SBNO1: variants seen among roughly 807,000 people sequenced by gnomAD.
The protein encoded by SBNO1 is strawberry notch homolog 1.
In SBNO1, 23 loss-of-function variants were observed where a neutral mutation model predicts 173.6. The ratio of observed to expected loss-of-function variants is 0.13; its 90% CI spans 0.10 to 0.19. SBNO1 has a LOEUF of 0.19. SBNO1 is among the 10% of genes least tolerant of loss of function. SBNO1 has a pLI of 1.00. For missense variants in SBNO1, 1,238 were observed against 1,671.2 expected (o/e 0.74, Z 4.52); for synonymous variants, 632 against 571.5 (o/e 1.11, Z -1.51).
At chr12:123,332,585 C>T (rs1871346099) in intron 7 of SBNO1, among the ~76,000 whole-genome samples, 1 of 151,286 alleles carries the variant, frequency 6.6e-6, no homozygotes, top group African/African-American at 2.4e-5. Context: ...TAGTTTTTTT[C>T]AGACAGAGTC....
intron 3 of SBNO1, among the ~76,000 whole-genome samples, chr12:123,345,812 G>C (rs964254657): frequency 1.3e-5 from 2 of 152,062 alleles, no homozygotes; most frequent in African/African-American, 4.8e-5. Flanking sequence ...TGGGACTACA[G>C]GTGCACACCA....
chr12:123,352,978 AG>A (rs752300086), intron 1 of SBNO1, among the ~76,000 whole-genome samples: 11 of 152,044 alleles, frequency 7.2e-5, no homozygotes, highest in Non-Finnish European at 1.6e-4. Flanking sequence ...TTTGTATTTT[AG>A]TAGAGATGGG....
intron 1 of SBNO1, among the ~76,000 whole-genome samples, chr12:123,361,742 A>AT (rs1875219001): frequency 6.6e-6 from 1 of 151,302 alleles, no homozygotes; most frequent in Non-Finnish European, 1.5e-5. Context: ...AAAAAAAAAA[A>AT]AAATACAAAA....
At chr12:123,341,808 G>A (rs1297693345) in intron 4 of SBNO1, among the ~76,000 whole-genome samples, 1 of 151,950 alleles carries the variant, frequency 6.6e-6, no homozygotes, top group East Asian at 2.0e-4. Context: ...GATTACAGGC[G>A]TGAGCCACCG....
intron 30 of SBNO1, among the ~76,000 whole-genome samples, 184 bp from the exon 31 acceptor site, chr12:123,298,355 C>CT (rs2048673546): frequency 6.6e-6 from 1 of 152,086 alleles, no homozygotes; most frequent in African/African-American, 2.4e-5. Context: ...CAACCTCTGC[C>CT]TCCCAGGGTC....
At chr12:123,362,181 A>C (rs886171082) in intron 1 of SBNO1, among the ~76,000 whole-genome samples, 6 of 151,098 alleles carry the variant, frequency 4.0e-5, no homozygotes, top group African/African-American at 1.5e-4. Flanking sequence ...TCACGCCTGC[A>C]ATCCCAGCAC....
intron 1 of SBNO1, among the ~76,000 whole-genome samples, chr12:123,362,493 C>T (rs919949928): frequency 7.5e-6 from 1 of 133,542 alleles, no homozygotes. Context: ...GGGCCAAGGG[C>T]GGTGGCTCAC....
intron 15 of SBNO1, among the ~76,000 whole-genome samples, chr12:123,324,954 C>T (rs1337212691): frequency 1.3e-5 from 2 of 151,876 alleles, no homozygotes; most frequent in East Asian, 1.9e-4. Context: ...GACTACAGGA[C>T]GTGTGCCACC....
chr12:123,360,602 G>T (rs28718696), intron 1 of SBNO1, among the ~76,000 whole-genome samples: 2 of 151,602 alleles, frequency 1.3e-5, no homozygotes, highest in African/African-American at 2.4e-5. Context: ...GGATCACCAC[G>T]CCCAGCTAAT....
chr12:123,335,052 C>T (rs1042170789), intron 6 of SBNO1, among the ~76,000 whole-genome samples: 1 of 152,204 alleles, frequency 6.6e-6, no homozygotes, highest in Non-Finnish European at 1.5e-5. Flanking sequence ...ATTAGCTGGG[C>T]ATGGTGGTGG....
At chr12:123,361,653 G>A (rs1875190468) in intron 1 of SBNO1, among the ~76,000 whole-genome samples, 1 of 148,482 alleles carries the variant, frequency 6.7e-6, no homozygotes. Context: ...AGAATCACTT[G>A]AACCAAGGAG....
rs188358606 is a variant in SBNO1 at position 123,307,150 on chromosome 12, G to A, written c.3630+2160C>T. ...GCTGCAGTGAGCCATGATCACGCACGCCACTGCTTATCAGCCTGGGTGACA... is the reference window on the plus strand; with the variant it reads ...GCTGCAGTGAGCCATGATCACGCACACCACTGCTTATCAGCCTGGGTGACA... On this transcript the variant is annotated intron_variant, in intron 28 of 31. Transcript: ENST00000602398. 2.2e-3 allele frequency among the ~76,000 whole-genome samples: 334 copies of A among 150,464 alleles called. 4 individuals carry two copies. Among genetic ancestry groups the A allele is most frequent in the South Asian group, 2.6e-3 (12 of 4,610 alleles).
chr12:123,355,897 AAG>A lies in SBNO1; in HGVS notation c.1-5458_1-5457del, dbSNP rs1874410262. 3.3e-5 allele frequency among the ~76,000 whole-genome samples: 5 copies of A among 152,322 alleles called. No individual in the cohort carries two copies. The South Asian group carries it at 1.0e-3, about 32-fold the overall frequency. ...AAAGACACAGCAGTAGAGAAAAACT[AAG>A]AGCTAGTTTTGGCAGGAAGAGAATA... On this transcript the variant is annotated intron_variant, in intron 1 of 31. Coordinates refer to ENST00000602398, the MANE Select transcript of SBNO1 (RefSeq NM_001167856.3).
chr12:123,358,755 AAAAAAAAAAAAAG>A (rs780593115), intron 1 of SBNO1, among the ~76,000 whole-genome samples: 2,480 of 145,358 alleles, frequency 0.017, 46 homozygotes, highest in Non-Finnish European at 0.029. Context: ...AAAAAAAAAA[AAAAAAAAAAAAAG>A]AAGAAGAAAA....
At position 123,291,878 on chromosome 12, in the gene SBNO1, A is replaced by G. The variant is rs1304507705; in HGVS notation, c.*4030T>C. On this transcript the variant is annotated 3_prime_UTR_variant, in exon 32 of 32. Transcript: ENST00000602398. Reference sequence around the variant, plus strand: ...TTATGTACATATATATAAATACAGCACAAAATTAGAGGGTGGGTTTTGGAT... The same window carrying G: ...TTATGTACATATATATAAATACAGCGCAAAATTAGAGGGTGGGTTTTGGAT... 1 of 152,026 alleles carries G rather than the reference A, an allele frequency of 6.6e-6. No individual in the cohort carries two copies. The highest frequency in any genetic ancestry group is 1.5e-5 in the Non-Finnish European group (1 of 67,998). The allele number at this position is 152,026 out of a possible 1,614,324, so 9.4% of individuals were successfully genotyped here. A position where few individuals can be genotyped will look rare whatever the true frequency, so the allele number is the denominator to read the frequency against.
At chr12:123,321,401 T>A in intron 17 of SBNO1, 134 bp downstream of exon 17, 2 of 692,344 alleles carry the variant, frequency 2.9e-6, no homozygotes, top group Non-Finnish European at 4.8e-6. Flanking sequence ...TAGATAAGCC[T>A]GGAGCTTTCC....
chr12:123,320,021 C>T lies in SBNO1; in HGVS notation c.2678G>A (p.Arg893His). Residue 893 changes from arginine (R) to histidine (H), a missense_variant, in exon 20 of 32, where the codon CGC becomes CAC. Around this residue, in one of 14 missense-constraint regions of SBNO1, gnomAD observed 45 missense variants for 85.5 expected, o/e 0.53. Coordinates refer to ENST00000602398, the MANE Select transcript of SBNO1 (RefSeq NM_001167856.3). ...GPENVAEMTG[R>H]KGRVVSNDDG... ...ATCATTGCTCACAACCCGTCCCTTG[C>T]GGCCAGTCATCTGAGAAGCCAAACA... The T allele has an allele frequency of 6.2e-7, 1 of 1,613,956 alleles. No individual in the cohort carries two copies. Among genetic ancestry groups the T allele is most frequent in the Non-Finnish European group, 8.5e-7 (1 of 1,179,950 alleles).
chr12:123,341,083 C>G lies in SBNO1; in HGVS notation c.556G>C (p.Val186Leu). The G allele has an allele frequency of 6.5e-7, 1 of 1,541,822 alleles. No individual in the cohort carries two copies. Among genetic ancestry groups the G allele is most frequent in the Non-Finnish European group, 8.8e-7 (1 of 1,137,706 alleles). Residue 186 changes from valine (V) to leucine (L), a missense_variant, in exon 5 of 32, where the codon GTA becomes CTA. By Grantham distance (32) the Val-to-Leu change is conservative. Coordinates refer to ENST00000602398, the MANE Select transcript of SBNO1 (RefSeq NM_001167856.3). ...AQPVATAATD[V>L]SNGTVKKESS... ...TCTTTCTTTACTGTACCATTGCTTACATCAGCTGAGGAGGAAAAAGTCAAA... is the reference window on the plus strand; with the variant it reads ...TCTTTCTTTACTGTACCATTGCTTAGATCAGCTGAGGAGGAAAAAGTCAAA...
chr12:123,336,539 G>T, intron 5 of SBNO1, 48 bp from the exon 6 acceptor site: 1 of 1,233,420 alleles, frequency 8.1e-7, no homozygotes, highest in Non-Finnish European at 1.2e-6. Context: ...GGGACCAGAC[G>T]CCCAGCCAAC....
Sources: gnomAD v4.1 joint callset for allele counts (sites outside exome capture counted in the v4.1 genomes callset) on GRCh38, gnomAD v4.1.1 for gene constraint, gnomAD v4.1.1 regional missense constraint, MANE v1.5 for transcripts, NCBI Gene and HGNC (gene_info 2026-07-23, HGNC 2026-07-21) for gene names.